DIAPH3: variants seen among roughly 807,000 people sequenced by gnomAD.
DIAPH3 encodes the protein protein diaphanous homolog 3.
Under a neutral mutation model 144.3 loss-of-function variants are expected in DIAPH3, and 117 were observed. The ratio of observed to expected loss-of-function variants is 0.81; its 90% CI spans 0.70 to 0.95. The LOEUF (loss-of-function observed/expected upper bound fraction) is 0.95, where lower values mean the gene tolerates loss of function less well. Among genes scored for constraint, DIAPH3 ranks in the 40% least tolerant of loss-of-function variants. The pLI, the probability that DIAPH3 is intolerant of heterozygous loss-of-function variation, is 0.00. For missense variants in DIAPH3, 1,421 were observed against 1,412.7 expected (o/e 1.01, Z -0.09); for synonymous variants, 519 against 488.9 (o/e 1.06, Z -0.81).
intron 27 of DIAPH3, among the ~76,000 whole-genome samples, chr13:59,748,529 G>A (rs987617952): frequency 5.9e-5 from 9 of 152,100 alleles, no homozygotes; most frequent in South Asian, 2.1e-4. Context: ...TGATCCATTT[G>A]TTTAAAATTC....
chr13:59,690,703 T>A (rs2033468603), intron 27 of DIAPH3, among the ~76,000 whole-genome samples: 1 of 152,120 alleles, frequency 6.6e-6, no homozygotes, highest in African/African-American at 2.4e-5. Flanking sequence ...AATACACTGG[T>A]TTCAAAGTAG....
In DIAPH3 at chr13:59,745,046, G is replaced by T. The variant is rs1023530939; in HGVS notation, c.3319+29143C>A. 3.9e-5 allele frequency among the ~76,000 whole-genome samples: 6 copies of T among 152,158 alleles called. No homozygotes were observed. The South Asian group carries it at 1.2e-3, about 32-fold the overall frequency. ...TTGGAACCTTTTTTGTTCCAAGAAG[G>T]TTTCTTGCTATAGTTGCTTTCATGA... On this transcript the variant is annotated intron_variant, in intron 27 of 27. Transcript: ENST00000400324.
chr13:59,981,125 C>A (rs2050980817), intron 13 of DIAPH3, among the ~76,000 whole-genome samples: 1 of 150,976 alleles, frequency 6.6e-6, no homozygotes, highest in Admixed American at 6.6e-5. Flanking sequence ...TGTAATAACA[C>A]TCAAATGTTT....
At chr13:59,995,093 G>C (rs1191038297) in intron 9 of DIAPH3, among the ~76,000 whole-genome samples, 1 of 151,728 alleles carries the variant, frequency 6.6e-6, no homozygotes, top group Non-Finnish European at 1.5e-5. Context: ...GGTACCATTA[G>C]CAGACATACA....
chr13:60,162,807 T>TCACACACA (rs573161924), intron 1 of DIAPH3, among the ~76,000 whole-genome samples: 35 of 128,062 alleles, frequency 2.7e-4, no homozygotes, highest in African/African-American at 7.1e-4. Context: ...TCTCTCTCTC[T>TCACACACA]CTCACACACA....
intron 27 of DIAPH3, among the ~76,000 whole-genome samples, chr13:59,746,377 C>T (rs1002362579): frequency 6.8e-6 from 1 of 147,614 alleles, no homozygotes; most frequent in Admixed American, 6.9e-5. Flanking sequence ...CTGTGCGCCA[C>T]CATACCCAGC....
chr13:59,810,720 T>C (rs2040426528), intron 25 of DIAPH3, 68 bp downstream of exon 25: 1 of 1,531,154 alleles, frequency 6.5e-7, no homozygotes. Flanking sequence ...TTCATTAATA[T>C]ACTAATAAAG....
chr13:60,075,609 T>G (rs2057353069), intron 4 of DIAPH3, among the ~76,000 whole-genome samples: 1 of 152,178 alleles, frequency 6.6e-6, no homozygotes, highest in African/African-American at 2.4e-5. Context: ...TATTAAAACC[T>G]CAGTCTTAAT....
At chr13:59,995,060 T>C (rs558321557) in intron 9 of DIAPH3, among the ~76,000 whole-genome samples, 1 of 151,958 alleles carries the variant, frequency 6.6e-6, no homozygotes, top group South Asian at 2.1e-4. Context: ...CTCCCACTTT[T>C]GTTATTTAAC....
chr13:60,052,959 T>TAAAAAAAAAAAAAAAAAAAAAAAAAAAAA (rs559991017), intron 4 of DIAPH3, among the ~76,000 whole-genome samples: 60 of 40,628 alleles, frequency 1.5e-3, no homozygotes, highest in African/African-American at 3.1e-3. Context: ...GACTCCCTCT[T>TAAAAAAAAAAAAAAAAAAAAAAAAAAAAA]AAAAAAAAAA....
At chr13:59,762,007 G>C (rs1442333169) in intron 27 of DIAPH3, among the ~76,000 whole-genome samples, 1 of 140,770 alleles carries the variant, frequency 7.1e-6, no homozygotes, top group Non-Finnish European at 1.5e-5. Flanking sequence ...CATAGCCAAA[G>C]AAGAGGGAGA....
chr13:59,836,784 C>T (rs1432302195), intron 23 of DIAPH3, among the ~76,000 whole-genome samples: 1 of 151,894 alleles, frequency 6.6e-6, no homozygotes, highest in Admixed American at 6.6e-5. Flanking sequence ...ATGAACCAAA[C>T]ATTTGATATG....
intron 1 of DIAPH3, among the ~76,000 whole-genome samples, chr13:60,158,920 A>C (rs938787013): frequency 1.5e-4 from 22 of 151,452 alleles, no homozygotes; most frequent in African/African-American, 4.8e-4. Flanking sequence ...AAAAAAAAAA[A>C]AAAAAAAAAA....
At chr13:60,057,980 C>T (rs545068016) in intron 4 of DIAPH3, among the ~76,000 whole-genome samples, 2 of 151,402 alleles carry the variant, frequency 1.3e-5, no homozygotes, top group African/African-American at 4.8e-5. Context: ...GGACATTGGC[C>T]CTGGCAAATA....
intron 27 of DIAPH3, among the ~76,000 whole-genome samples, chr13:59,752,489 T>C (rs1299390545): frequency 6.6e-6 from 1 of 151,888 alleles, no homozygotes; most frequent in Non-Finnish European, 1.5e-5. Context: ...CATCTCAGCC[T>C]TTCCAGTAGC....
At chr13:59,710,744 G>C (rs1367120465) in intron 27 of DIAPH3, among the ~76,000 whole-genome samples, 3 of 152,112 alleles carry the variant, frequency 2.0e-5, no homozygotes, top group African/African-American at 4.8e-5. Context: ...ACAAATGTTG[G>C]CTATTACTGC....
chr13:60,098,070 G>A (rs1244110433), intron 3 of DIAPH3, among the ~76,000 whole-genome samples: 2 of 152,144 alleles, frequency 1.3e-5, no homozygotes, highest in African/African-American at 2.4e-5. Context: ...TGGACTTGGT[G>A]AAGGTCAGTG....
chr13:59,774,652 A>G, intron 26 of DIAPH3, 76 bp downstream of exon 26: 2 of 1,428,844 alleles, frequency 1.4e-6, no homozygotes, highest in East Asian at 2.3e-5. Flanking sequence ...ACACAACTTC[A>G]AAAGAATGAG....
intron 4 of DIAPH3, among the ~76,000 whole-genome samples, chr13:60,084,631 A>G (rs571074206): frequency 2.0e-5 from 3 of 152,246 alleles, no homozygotes; most frequent in Non-Finnish European, 4.4e-5. Context: ...AAAATCTACC[A>G]TAACAGTAAT....
Sources: allele counts gnomAD v4.1 joint callset (sites outside exome capture counted in the v4.1 genomes callset), GRCh38; gene constraint gnomAD v4.1.1; transcripts MANE v1.5; gene names NCBI Gene and HGNC (gene_info 2026-07-23, HGNC 2026-07-21).